Variants in FHL1 observed in about 807,000 individuals in gnomAD.
The protein encoded by FHL1 is four and a half LIM domains 1.
In FHL1, 1 loss-of-function variant was observed where a neutral mutation model predicts 20.3. The observed-to-expected ratio is 0.05, with a 90% CI of 0.02 to 0.23. The LOEUF is 0.23. Ranked by LOEUF, FHL1 falls within the 10% of genes least tolerant of loss-of-function variation. The pLI is 1.00. For missense variants in FHL1, 177 were observed against 234.0 expected (o/e 0.76, Z 1.59); for synonymous variants, 82 against 88.9 (o/e 0.92, Z 0.44).
upstream of FHL1, chrX:136,146,952 G>A (rs1262161900): frequency 3.1e-6 from 1 of 326,981 alleles, no homozygotes. Context: ...ACCGGGTTCC[G>A]AAGTCGGAGG....
At chrX:136,151,318 T>C (rs1383195840) in intron 1 of FHL1, among the ~76,000 whole-genome samples, 1 of 113,111 alleles carries the variant, frequency 8.8e-6, no homozygotes, top group African/African-American at 3.2e-5. Flanking sequence ...TAATTTCCTC[T>C]ACATAATGTA....
At chrX:136,147,151 C>G (rs779665086), upstream of FHL1, 596 of 193,254 alleles carry the variant, frequency 3.1e-3, 2 homozygotes, top group Non-Finnish European at 4.3e-3. Flanking sequence ...GGAGGGGGCC[C>G]GAGGCGCCCC....
intron 2 of FHL1, among the ~76,000 whole-genome samples, chrX:136,183,332 G>C (rs2073210906): frequency 9.0e-6 from 1 of 111,148 alleles, no homozygotes; most frequent in Non-Finnish European, 1.9e-5. Flanking sequence ...TGGCACAATG[G>C]AATAACATGC....
chrX:136,206,437 C>T lies in FHL1; in HGVS notation c.53C>T (p.Ala18Val), dbSNP rs146125558. 29 of 1,210,710 alleles carry T rather than the reference C, an allele frequency of 2.4e-5. No homozygotes were observed. The highest frequency in any genetic ancestry group is 2.8e-5 in the Non-Finnish European group (25 of 895,359). Residue 18 changes from alanine (A) to valine (V), a missense_variant, in exon 2 of 6, where the codon GCG (alanine) becomes GTG (valine). Physicochemically the swap from Ala to Val is moderately conservative, Grantham distance 64. Coordinates refer to ENST00000370683, the MANE Select transcript of FHL1 (RefSeq NM_001159699.2). Reference protein sequence around the residue: ...GPSSYKVGTMAEKFDCHYCRD... With the variant: ...GPSSYKVGTMVEKFDCHYCRD... Reference sequence around the variant, plus strand: ...TCCAGCTACAAGGTGGGCACCATGGCGGAGAAGTTTGACTGCCACTACTGC... The same window carrying T: ...TCCAGCTACAAGGTGGGCACCATGGTGGAGAAGTTTGACTGCCACTACTGC...
intron 1 of FHL1, among the ~76,000 whole-genome samples, chrX:136,162,886 T>C (rs1327591621): frequency 1.8e-5 from 2 of 112,158 alleles, no homozygotes; most frequent in Non-Finnish European, 3.8e-5. Context: ...AGAACAGAAA[T>C]CTATTTCTCA....
rs1183754946 is a variant in FHL1 at position 136,208,736 on chromosome X, C to T, written c.736+95C>T. ...TGTCGTCGGTTTCATCCACAAAGGC[C>T]CCCAGAGAATGCCCTTCTCCCCCTG... On this transcript the variant is annotated intron_variant, in intron 5 of 5. Transcript: ENST00000370683. 35 of 882,797 alleles carry T rather than the reference C, an allele frequency of 4.0e-5. No homozygotes were observed. The South Asian group carries it at 5.6e-4, about 14-fold the overall frequency. 72.8% of individuals were successfully genotyped at this position (882,797 alleles called of 1,213,427 possible).
At chrX:136,180,001 C>T (rs1017664068) in intron 2 of FHL1, among the ~76,000 whole-genome samples, 1 of 111,778 alleles carries the variant, frequency 8.9e-6, no homozygotes, top group Admixed American at 9.5e-5. Context: ...GTACGCTTTA[C>T]CCCTAAACAC....
At chrX:136,172,131 C>T (rs922576328) in intron 2 of FHL1, among the ~76,000 whole-genome samples, 7 of 111,573 alleles carry the variant, frequency 6.3e-5, no homozygotes, top group Admixed American at 5.7e-4. Flanking sequence ...TGGCCTCAAG[C>T]GATCCGCCCT....
upstream of FHL1, among the ~76,000 whole-genome samples, chrX:136,166,742 A>C (rs983906488): frequency 8.9e-6 from 1 of 112,545 alleles, no homozygotes; most frequent in African/African-American, 3.2e-5. Flanking sequence ...AGGTGGATGG[A>C]ATCGAAAGAA....
intron 1 of FHL1, among the ~76,000 whole-genome samples, chrX:136,204,341 G>A (rs2073788255): frequency 8.9e-6 from 1 of 112,199 alleles, no homozygotes; most frequent in Non-Finnish European, 1.9e-5. Context: ...AACAAGAATG[G>A]ATTAAAGAGA....
At chrX:136,183,028 C>T (rs745847598) in intron 2 of FHL1, among the ~76,000 whole-genome samples, 5 of 105,373 alleles carry the variant, frequency 4.7e-5, no homozygotes, top group South Asian at 4.2e-4. Flanking sequence ...ACTCGGGAGG[C>T]AGAGGTTGCA....
chrX:136,173,696 CTTTT>C (rs971227072), intron 2 of FHL1, among the ~76,000 whole-genome samples: 1 of 94,923 alleles, frequency 1.1e-5, no homozygotes. Context: ...TGTTTCTTTT[CTTTT>C]TTTTTTTTTT....
intron 1 of FHL1, among the ~76,000 whole-genome samples, chrX:136,202,363 T>C (rs1159239430): frequency 4.5e-5 from 5 of 110,158 alleles, no homozygotes; most frequent in African/African-American, 6.6e-5. Flanking sequence ...AGACCCTGTC[T>C]CAACAACAAC....
upstream of FHL1, among the ~76,000 whole-genome samples, chrX:136,167,636 C>T (rs866539941): frequency 1.8e-5 from 2 of 111,506 alleles, no homozygotes; most frequent in African/African-American, 6.5e-5. Context: ...TAGCCAGAGT[C>T]CCAGTCTGGT....
chrX:136,146,926 G>A (rs1475583653), upstream of FHL1: 2 of 328,860 alleles, frequency 6.1e-6, no homozygotes, highest in Middle Eastern at 9.7e-4. Flanking sequence ...TGGGCCTTTC[G>A]GCGCCGCTGC....
At chrX:136,187,637 A>G (rs1163046879) in intron 2 of FHL1, among the ~76,000 whole-genome samples, 2 of 110,616 alleles carry the variant, frequency 1.8e-5, no homozygotes, top group East Asian at 5.7e-4. Context: ...ATATTGTATG[A>G]TTCCATTGCC....
intron 2 of FHL1, among the ~76,000 whole-genome samples, chrX:136,175,108 G>A (rs949607771): frequency 6.3e-5 from 7 of 111,940 alleles, no homozygotes; most frequent in African/African-American, 2.3e-4. Flanking sequence ...AGAAAGGTGC[G>A]CACAGGCCTA....
chrX:136,190,215 C>T (rs756933082), intron 2 of FHL1, among the ~76,000 whole-genome samples: 1 of 111,669 alleles, frequency 9.0e-6, no homozygotes, highest in Non-Finnish European at 1.9e-5. Flanking sequence ...ACTCTCCTTG[C>T]GTTCTCCTTT....
intron 2 of FHL1, among the ~76,000 whole-genome samples, chrX:136,188,799 C>T (rs976258293): frequency 2.7e-5 from 3 of 110,818 alleles, no homozygotes; most frequent in Non-Finnish European, 5.7e-5. Flanking sequence ...TATTTTGGTT[C>T]TGCCACCCCT....
Sources: gnomAD v4.1 joint callset for allele counts (sites outside exome capture counted in the v4.1 genomes callset) on GRCh38, gnomAD v4.1.1 for gene constraint, MANE v1.5 for transcripts, NCBI Gene and HGNC (gene_info 2026-07-23, HGNC 2026-07-21) for gene names.